Variants in CACNA2D2 observed in about 807,000 individuals in gnomAD.
The protein encoded by CACNA2D2 is voltage-dependent calcium channel subunit alpha-2/delta-2.
In CACNA2D2, 48 loss-of-function variants were observed where a neutral mutation model predicts 166.4. The observed-to-expected ratio is 0.29, with a 90% CI of 0.23 to 0.37. The LOEUF is 0.37. Ranked by LOEUF, CACNA2D2 falls within the 10% of genes least tolerant of loss-of-function variation. The pLI, the probability that CACNA2D2 is intolerant of heterozygous loss-of-function variation, is 1.00. For missense variants in CACNA2D2, 1,122 were observed against 1,433.0 expected, an observed-to-expected ratio of 0.78 and a Z score of 3.50; for synonymous variants, 561 against 573.7, an observed-to-expected ratio of 0.98 and a Z score of 0.32.
Position 50,488,822 on chromosome 3 carries a change from C to T in CACNA2D2, c.207-12623G>A, listed in dbSNP as rs1698402309. Among the ~76,000 whole-genome samples, 6 of 152,140 alleles carry T rather than the reference C, an allele frequency of 3.9e-5. No homozygotes were observed. In the South Asian group the frequency reaches 1.0e-3, roughly 26 times the overall value. ...TCATGCCATTCTCCTTCCTCAGCCTCCCGAGTACCTGGGACTACGGGCGCC... is the reference window on the plus strand; with the variant it reads ...TCATGCCATTCTCCTTCCTCAGCCTTCCGAGTACCTGGGACTACGGGCGCC... On this transcript the variant is annotated intron_variant, in intron 1 of 37. Transcript: ENST00000424201.
chr3:50,416,886 G>A (rs1425911892), intron 3 of CACNA2D2, among the ~76,000 whole-genome samples: 3 of 152,228 alleles, frequency 2.0e-5, no homozygotes, highest in African/African-American at 7.2e-5. Context: ...TGCCCATCGG[G>A]TGCACACAGA....
rs1016003048 is a variant in CACNA2D2 at position 50,394,226 on chromosome 3, A to C, written c.406-58T>G. 98 of 1,431,412 alleles carry C rather than the reference A, an allele frequency of 6.8e-5. 1 individual carries two copies. Among genetic ancestry groups the C allele is most frequent in the Admixed American group, 2.2e-4 (13 of 59,642 alleles). The allele number at this position is 1,431,412 out of a possible 1,614,324, so 88.7% of individuals were successfully genotyped here. ...GAGGAAGGCAGCCTGCCCTATGCCC[A>C]CCCCAAAGCCTCTCCATCCCCAGCA... On this transcript the variant is annotated intron_variant, in intron 3 of 37. Coordinates refer to ENST00000424201, the MANE Select transcript of CACNA2D2 (RefSeq NM_006030.4).
rs1172812807 is a variant in CACNA2D2, at chr3:50,367,481, T to C, written c.2314A>G (p.Thr772Ala). Residue 772 changes from threonine to alanine, a missense_variant, in exon 27 of 38, where the codon ACA (threonine) becomes GCA (alanine). Transcript: ENST00000424201. This position sits in a 1 kb window ranked among gnomAD's most constrained non-coding sequence, Gnocchi z 6.5. ...VFPNKAAEDW[T>A]ENPEPFNASF... ...GCATTGAAGGGCTCAGGGTTCTCTG[T>C]CCAGTCCTCAGCTGCCCTGGAGCAC... is the stretch of plus-strand genomic sequence containing the variant. 6.2e-7 allele frequency: 1 copy of C among 1,613,906 alleles called. No homozygotes were observed. The highest frequency in any genetic ancestry group is 8.5e-7 in the Non-Finnish European group (1 of 1,179,982).
chr3:50,368,681 T>C (rs959891749), intron 23 of CACNA2D2, among the ~76,000 whole-genome samples: 3 of 152,224 alleles, frequency 2.0e-5, no homozygotes, highest in Non-Finnish European at 4.4e-5. Flanking sequence ...TGTGTGCCGT[T>C]AGGTAACTCA....
Position 50,379,412 on chromosome 3 carries a change from T to C in CACNA2D2, c.1152+20A>G. The C allele has an allele frequency of 6.2e-7, 1 of 1,610,958 alleles. No individual in the cohort carries two copies. The highest frequency in any genetic ancestry group is 8.5e-7 in the Non-Finnish European group (1 of 1,177,892). On this transcript the variant is annotated intron_variant, in intron 11 of 37. Transcript: ENST00000424201. This position sits in a 1 kb window ranked among gnomAD's most constrained non-coding sequence, Gnocchi z 6.5. ...CCCTCTACTCCCCCAGCCGCCCACTTGCCCACCCATGGGGCTCACGTTCTG... is the reference window on the plus strand; with the variant it reads ...CCCTCTACTCCCCCAGCCGCCCACTCGCCCACCCATGGGGCTCACGTTCTG...
At chr3:50,476,842 A>G (rs1697797864) in intron 1 of CACNA2D2, among the ~76,000 whole-genome samples, 1 of 151,774 alleles carries the variant, frequency 6.6e-6, no homozygotes, top group Non-Finnish European at 1.5e-5. Context: ...ACTGCAGACC[A>G]TCCTGCCTCA....
chr3:50,492,313 G>A (rs994525128), intron 1 of CACNA2D2, among the ~76,000 whole-genome samples: 15 of 152,234 alleles, frequency 9.9e-5, no homozygotes, highest in African/African-American at 3.1e-4. Flanking sequence ...ATCTGAACCC[G>A]CAACTTGCTG....
intron 2 of CACNA2D2, among the ~76,000 whole-genome samples, chr3:50,474,919 G>A (rs766925760): frequency 6.6e-6 from 1 of 152,162 alleles, no homozygotes. Context: ...TGTGATGGAG[G>A]CTGCTGACAT....
intron 1 of CACNA2D2, among the ~76,000 whole-genome samples, chr3:50,481,923 A>G (rs572719071): frequency 1.3e-5 from 2 of 152,274 alleles, no homozygotes; most frequent in East Asian, 3.9e-4. Flanking sequence ...TGAGCCTGGG[A>G]GGTCAAGGCT....
At position 50,434,276 on chromosome 3, in the gene CACNA2D2, T is replaced by G. The variant is rs749322406; in HGVS notation, c.405+37A>C. 6.1e-6 allele frequency: 9 copies of G among 1,465,726 alleles called. No individual in the cohort carries two copies. In the African/African-American group the frequency reaches 8.3e-5, roughly 14 times the overall value. The allele number at this position is 1,465,726 out of a possible 1,614,324, so 90.8% of individuals were successfully genotyped here. ...CAGGACCTCTCCACCTGGCCCTCCC[T>G]CAGTGCCGCCCCCCTGCCCCCAAAA... On this transcript the variant is annotated intron_variant, in intron 3 of 37. Transcript: ENST00000424201.
At chr3:50,371,729 T>C (rs1010247437) in intron 22 of CACNA2D2, among the ~76,000 whole-genome samples, 3 of 151,556 alleles carry the variant, frequency 2.0e-5, no homozygotes, top group Non-Finnish European at 2.9e-5. Flanking sequence ...TGAGGCAGGG[T>C]TTGGACACAA....
chr3:50,392,094 A>G (rs1347168652), intron 4 of CACNA2D2, among the ~76,000 whole-genome samples: 1 of 152,158 alleles, frequency 6.6e-6, no homozygotes, highest in East Asian at 1.9e-4. Context: ...TCTGGGAGGG[A>G]ACATGGCTCC....
At chr3:50,374,568 G>C (rs1704867463) in intron 22 of CACNA2D2, among the ~76,000 whole-genome samples, 169 bp downstream of exon 22, 1 of 152,132 alleles carries the variant, frequency 6.6e-6, no homozygotes, top group Admixed American at 6.5e-5. Flanking sequence ...CAAGCATGCA[G>C]ATTTCCACAG....
At chr3:50,457,559 G>C (rs944404954) in intron 2 of CACNA2D2, among the ~76,000 whole-genome samples, 3 of 152,152 alleles carry the variant, frequency 2.0e-5, no homozygotes, top group African/African-American at 7.2e-5. Flanking sequence ...CCTGGCCCCA[G>C]GTGCTCTGGT....
At chr3:50,488,583 C>T (rs1326109541) in intron 1 of CACNA2D2, among the ~76,000 whole-genome samples, 1 of 151,312 alleles carries the variant, frequency 6.6e-6, no homozygotes, top group Non-Finnish European at 1.5e-5. Flanking sequence ...ACCCCACCCC[C>T]CACACCTCTT....
chr3:50,387,620 G>T lies in CACNA2D2; in HGVS notation c.466-8C>A. On this transcript the variant is annotated splice_polypyrimidine_tract_variant and splice_region_variant and intron_variant, in intron 4 of 37. Coordinates refer to ENST00000424201, the MANE Select transcript of CACNA2D2 (RefSeq NM_006030.4). The stretch of plus-strand genomic sequence containing the variant: ...GTACACGATGTCTTCCTCCTGGTGA[G>T]GGGAGAGAGGCCTCAGCACTAGCTG... The T allele has an allele frequency of 6.2e-7, 1 of 1,611,538 alleles. No homozygotes were observed. The highest frequency in any genetic ancestry group is 8.5e-7 in the Non-Finnish European group (1 of 1,178,188).
rs878978651 is a variant in CACNA2D2, at chr3:50,364,493, C to T, written c.*173G>A. The T allele has an allele frequency of 3.7e-5, 28 of 752,810 alleles. No individual in the cohort carries two copies. In the South Asian group the frequency reaches 5.4e-4, roughly 14 times the overall value. 46.6% of individuals were successfully genotyped at this position (752,810 alleles called of 1,614,324 possible). A position where few individuals can be genotyped will look rare whatever the true frequency, so the allele number is the denominator to read the frequency against. On this transcript the variant is annotated 3_prime_UTR_variant, in exon 38 of 38. Coordinates refer to ENST00000424201, the MANE Select transcript of CACNA2D2 (RefSeq NM_006030.4). ...TTTGGGTGCCAAACACCTGCGGCGT[C>T]CCGCTTTGGGACTCCCCATCCCAAG...
At chr3:50,440,893 G>A (rs1434334369) in intron 2 of CACNA2D2, among the ~76,000 whole-genome samples, 1 of 152,182 alleles carries the variant, frequency 6.6e-6, no homozygotes, top group Non-Finnish European at 1.5e-5. Flanking sequence ...AAAAAGCCTG[G>A]GGAGGGCTTT....
At position 50,367,639 on chromosome 3, in the gene CACNA2D2, T is replaced by C. The variant is rs1320493372; in HGVS notation, c.2297+3A>G. The C allele has an allele frequency of 6.2e-6, 10 of 1,611,322 alleles. No homozygotes were observed. The highest frequency in any genetic ancestry group is 6.8e-6 in the Non-Finnish European group (8 of 1,178,130). Reference sequence around the variant, plus strand: ...GGTTTGGGTAGTGGGATAGGTCACTTACTTGTTGGGGAAGACTCGGGTGAT... The same window carrying C: ...GGTTTGGGTAGTGGGATAGGTCACTCACTTGTTGGGGAAGACTCGGGTGAT... On this transcript the variant is annotated splice_donor_region_variant and intron_variant, in intron 26 of 37. Coordinates refer to ENST00000424201, the MANE Select transcript of CACNA2D2 (RefSeq NM_006030.4). The surrounding 1 kb of genome is among the most constrained non-coding windows in gnomAD (Gnocchi z 6.5).
Sources: gnomAD v4.1 joint callset for allele counts (sites outside exome capture counted in the v4.1 genomes callset) on GRCh38, gnomAD v4.1.1 for gene constraint, Gnocchi (gnomAD v3.1) non-coding constraint, MANE v1.5 for transcripts, NCBI Gene and HGNC (gene_info 2026-07-23, HGNC 2026-07-21) for gene names.